The following GNG7 variants were observed in gnomAD, a reference collection of about 807,000 sequenced individuals.
GNG7 encodes guanine nucleotide-binding protein G(I)/G(S)/G(O) subunit gamma-7.
Under a neutral mutation model 4.0 loss-of-function variants are expected in GNG7, and 1 was observed. The observed-to-expected ratio is 0.25, with a 90% confidence interval of 0.09 to 1.18. GNG7 has a LOEUF of 1.18. Ranked by LOEUF, GNG7 falls within the 50% of genes most tolerant of loss-of-function variation. GNG7 has a pLI of 0.50. For missense variants in GNG7, 86 were observed against 91.9 expected (o/e 0.94, Z 0.26); for synonymous variants, 34 against 36.9 (o/e 0.92, Z 0.29).
At chr19:2,686,906 C>T (rs965022531) in intron 1 of GNG7, among the ~76,000 whole-genome samples, 5 of 151,894 alleles carry the variant, frequency 3.3e-5, no homozygotes, top group Non-Finnish European at 7.4e-5. Flanking sequence ...CGCCCGCCAC[C>T]ACATCCAGCT....
At chr19:2,599,088 G>A (rs901394518) in intron 2 of GNG7, among the ~76,000 whole-genome samples, 14 of 152,176 alleles carry the variant, frequency 9.2e-5, no homozygotes. Flanking sequence ...CAATGTCACC[G>A]GGCTGTGCTA....
intron 2 of GNG7, among the ~76,000 whole-genome samples, chr19:2,596,841 A>T (rs1981037222): frequency 6.6e-6 from 1 of 152,198 alleles, no homozygotes; most frequent in African/African-American, 2.4e-5. Context: ...CTTCTTTACA[A>T]ATATATTCTC....
intron 1 of GNG7, among the ~76,000 whole-genome samples, chr19:2,676,800 A>AGG (rs10676310): frequency 0.32 from 48,427 of 151,666 alleles, 8,853 homozygotes; most frequent in East Asian, 0.55. Flanking sequence ...ACCCGGCTGG[A>AGG]GGAGTTGGGT....
intron 3 of GNG7, chr19:2,538,660 T>C (rs1978832228): frequency 2.2e-6 from 1 of 451,906 alleles, no homozygotes; most frequent in Middle Eastern, 3.3e-4. Flanking sequence ...GGCATGCATA[T>C]ATTTTACTTA....
chr19:2,612,451 C>T (rs1019369072), intron 2 of GNG7, among the ~76,000 whole-genome samples: 24 of 152,016 alleles, frequency 1.6e-4, no homozygotes, highest in Admixed American at 5.9e-4. Context: ...CATTTCATAT[C>T]GGGGTGACCC....
At chr19:2,520,022 A>G (rs768994266) in intron 4 of GNG7, among the ~76,000 whole-genome samples, 9 of 152,206 alleles carry the variant, frequency 5.9e-5, no homozygotes, top group Non-Finnish European at 1.2e-4. Flanking sequence ...TCTACTAAAA[A>G]TACAAAAAAT....
At chr19:2,655,838 GA>G (rs56041767) in intron 1 of GNG7, among the ~76,000 whole-genome samples, 17,748 of 54,720 alleles carry the variant, frequency 0.32, 1,944 homozygotes, top group East Asian at 0.47. Flanking sequence ...GGCTCCGTCT[GA>G]AAAAAAAAAA....
chr19:2,661,329 A>AAAGAAAGAAAGAAAGG (rs1983168227), intron 1 of GNG7, among the ~76,000 whole-genome samples: 3 of 146,644 alleles, frequency 2.0e-5, no homozygotes, highest in African/African-American at 7.7e-5. Flanking sequence ...AGAAAGAAAG[A>AAAGAAAGAAAGAAAGG]AAGAAAGAAA....
chr19:2,548,481 GAAAAAAAAAAAAA>G (rs34242476), intron 3 of GNG7, among the ~76,000 whole-genome samples: 34 of 77,320 alleles, frequency 4.4e-4, no homozygotes, highest in African/African-American at 1.5e-3. Context: ...GCTCTGTCTG[GAAAAAAAAAAAAA>G]AAAAAAAAAC....
chr19:2,580,286 AT>A (rs5826774), intron 2 of GNG7, among the ~76,000 whole-genome samples: 420 of 133,604 alleles, frequency 3.1e-3, no homozygotes, highest in Middle Eastern at 8.6e-3. Context: ...GTCTGGTTCT[AT>A]TTTTTTTTTT....
intron 2 of GNG7, among the ~76,000 whole-genome samples, chr19:2,608,421 C>T (rs1442965462): frequency 1.3e-5 from 2 of 152,168 alleles, no homozygotes; most frequent in African/African-American, 2.4e-5. Flanking sequence ...TGGAGGTGGG[C>T]GCCCCAGCAG....
chr19:2,562,796 G>C (rs999390238), intron 2 of GNG7, among the ~76,000 whole-genome samples: 2 of 152,160 alleles, frequency 1.3e-5, no homozygotes, highest in African/African-American at 2.4e-5. Context: ...CCAGAAGGCT[G>C]CACACATTGA....
chr19:2,521,614 T>TTTTTG (rs1218044168), intron 3 of GNG7, among the ~76,000 whole-genome samples: 1 of 134,432 alleles, frequency 7.4e-6, no homozygotes, highest in Non-Finnish European at 1.7e-5. Context: ...CCCTCCGTGT[T>TTTTTG]TTTTTTTTTT....
intron 2 of GNG7, among the ~76,000 whole-genome samples, chr19:2,631,451 G>C (rs1234851289): frequency 6.6e-6 from 1 of 152,230 alleles, no homozygotes; most frequent in Non-Finnish European, 1.5e-5. Flanking sequence ...AAAGGCCACT[G>C]AGCTCTGTCC....
chr19:2,594,503 C>T (rs1201413690), intron 2 of GNG7, among the ~76,000 whole-genome samples: 1 of 152,148 alleles, frequency 6.6e-6, no homozygotes, highest in Admixed American at 6.5e-5. Flanking sequence ...ATTTCAAACA[C>T]AGCCTGAAGC....
intron 1 of GNG7, among the ~76,000 whole-genome samples, chr19:2,666,253 A>G (rs1187838328): frequency 6.7e-6 from 1 of 149,342 alleles, no homozygotes; most frequent in Non-Finnish European, 1.5e-5. Flanking sequence ...GCTCACTGCA[A>G]ACTCAGCCTC....
At chr19:2,550,888 G>A (rs1015891103) in intron 3 of GNG7, among the ~76,000 whole-genome samples, 4 of 152,200 alleles carry the variant, frequency 2.6e-5, no homozygotes, top group African/African-American at 9.7e-5. Context: ...GGGAGCTGAG[G>A]ATCAGGGAGG....
At chr19:2,585,034 C>G (rs937384392) in intron 2 of GNG7, among the ~76,000 whole-genome samples, 416 of 15,006 alleles carry the variant, frequency 0.028, no homozygotes, top group Middle Eastern at 0.045. Context: ...GAGGGAGGGA[C>G]GGAGGGAGGG....
chr19:2,620,233 AGGGGAGGGGAGGGGAGGG>A (rs1981830930), intron 2 of GNG7, among the ~76,000 whole-genome samples: 1 of 37,774 alleles, frequency 2.6e-5, no homozygotes, highest in African/African-American at 1.0e-4. Flanking sequence ...AGGAGAGGGG[AGGGGAGGGGAGGGGAGGG>A]GAGGGGAGGG....
Sources: allele counts gnomAD v4.1 joint callset (sites outside exome capture counted in the v4.1 genomes callset), GRCh38; gene constraint gnomAD v4.1.1; transcripts MANE v1.5; gene names NCBI Gene and HGNC (gene_info 2026-07-23, HGNC 2026-07-21).